Variants in DNAI4 observed in about 807,000 individuals in gnomAD.
DNAI4 encodes the protein dynein axonemal intermediate chain 4.
A neutral mutation model predicts 105.8 loss-of-function variants in DNAI4; 85 were observed. The ratio of observed to expected loss-of-function variants is 0.80; its 90% CI spans 0.67 to 0.96. DNAI4 has a LOEUF of 0.96. Among genes scored for constraint, DNAI4 ranks in the 40% least tolerant of loss-of-function variants. The pLI is 0.00. For synonymous variants in DNAI4, 352 were observed against 331.5 expected (o/e 1.06, Z -0.67); for missense variants, 1,014 against 1,005.6 (o/e 1.01, Z -0.11).
chr1:66,898,440 T>A (rs928931914), intron 2 of DNAI4, among the ~76,000 whole-genome samples: 4 of 152,202 alleles, frequency 2.6e-5, no homozygotes. Context: ...TGCAATAGTG[T>A]TGAGAGGTGG....
intron 7 of DNAI4, among the ~76,000 whole-genome samples, chr1:66,856,277 G>A (rs557433609): frequency 6.6e-6 from 1 of 151,666 alleles, no homozygotes; most frequent in East Asian, 2.0e-4. Flanking sequence ...AAACCATCCT[G>A]GCTAATATGG....
chr1:66,852,729 T>C (rs1646422714), intron 7 of DNAI4, among the ~76,000 whole-genome samples: 1 of 152,200 alleles, frequency 6.6e-6, no homozygotes, highest in African/African-American at 2.4e-5. Flanking sequence ...AGAATGATTG[T>C]GTCCCTATAA....
rs78695462 is a variant in DNAI4, at chr1:66,896,766, G to A, written c.346-3353C>T. Reference sequence around the variant, plus strand: ...TAGCAACAAGGCCCTAACCAGATGTGGTTCCTTGACCCTGGACATCCTAGC... The same window carrying A: ...TAGCAACAAGGCCCTAACCAGATGTAGTTCCTTGACCCTGGACATCCTAGC... On this transcript the variant is annotated intron_variant, in intron 2 of 16. Coordinates refer to ENST00000371026, the MANE Select transcript of DNAI4 (RefSeq NM_024763.5). Among the ~76,000 whole-genome samples, 973 of 152,138 alleles carry A rather than the reference G, an allele frequency of 6.4e-3. 9 individuals are homozygous for A. Among genetic ancestry groups the A allele is most frequent in the African/African-American group, 0.022 (907 of 41,506 alleles).
chr1:66,858,964 C>T (rs982976922), intron 7 of DNAI4, among the ~76,000 whole-genome samples: 1 of 151,200 alleles, frequency 6.6e-6, no homozygotes, highest in Non-Finnish European at 1.5e-5. Flanking sequence ...ATCAAAAACA[C>T]AATGTAAAAA....
chr1:66,914,318 T>C (rs754568459), intron 1 of DNAI4, among the ~76,000 whole-genome samples: 11 of 151,792 alleles, frequency 7.2e-5, no homozygotes, highest in Non-Finnish European at 1.3e-4. Context: ...TTTTTCTCTA[T>C]TTTTTTTCCT....
rs537471439 is a variant in DNAI4 at position 66,915,478 on chromosome 1, G to T, written c.170+9184C>A. ...ATCATGACTACTGCAGTTTTCATAG[G>T]TCATATAGGTAAACAATTAAAATAA... is the stretch of plus-strand genomic sequence containing the variant. On this transcript the variant is annotated intron_variant, in intron 1 of 16. Coordinates refer to ENST00000371026, the MANE Select transcript of DNAI4 (RefSeq NM_024763.5). Among the ~76,000 whole-genome samples, 41 of 152,246 alleles carry T rather than the reference G, an allele frequency of 2.7e-4. 1 individual carries two copies. In the South Asian group the frequency reaches 8.3e-3, roughly 31 times the overall value.
At chr1:66,869,350 ATTCT>A (rs1368568049) in intron 6 of DNAI4, among the ~76,000 whole-genome samples, 3 of 151,940 alleles carry the variant, frequency 2.0e-5, no homozygotes, top group African/African-American at 7.2e-5. Context: ...ATAAAGAATC[ATTCT>A]TTTTTTATTT....
chr1:66,819,392 C>T (rs1275969942), intron 16 of DNAI4, among the ~76,000 whole-genome samples: 1 of 152,140 alleles, frequency 6.6e-6, no homozygotes, highest in East Asian at 1.9e-4. Flanking sequence ...CAATTATTCT[C>T]CTGCTCTGTG....
chr1:66,877,247 G>T (rs1314790291), intron 4 of DNAI4, among the ~76,000 whole-genome samples: 2 of 152,130 alleles, frequency 1.3e-5, no homozygotes, highest in Non-Finnish European at 2.9e-5. Flanking sequence ...CTTGTCAAAA[G>T]TATCTATTAG....
intron 7 of DNAI4, among the ~76,000 whole-genome samples, chr1:66,858,280 A>G (rs1016418358): frequency 6.6e-6 from 1 of 152,032 alleles, no homozygotes; most frequent in Non-Finnish European, 1.5e-5. Flanking sequence ...CTGTAATCCC[A>G]GCACTTTGGG....
intron 4 of DNAI4, among the ~76,000 whole-genome samples, chr1:66,885,783 T>G (rs915763924): frequency 6.6e-6 from 1 of 152,210 alleles, no homozygotes; most frequent in African/African-American, 2.4e-5. Context: ...TCCGTCAAGA[T>G]GTTCTCTTTG....
chr1:66,870,037 T>C (rs780299512), intron 6 of DNAI4, among the ~76,000 whole-genome samples: 2 of 152,212 alleles, frequency 1.3e-5, no homozygotes, highest in Non-Finnish European at 1.5e-5. Context: ...ATAAGATGTA[T>C]GTATGTTCTT....
chr1:66,918,661 T>A (rs1448231095), intron 1 of DNAI4, among the ~76,000 whole-genome samples: 2 of 152,206 alleles, frequency 1.3e-5, no homozygotes, highest in Non-Finnish European at 2.9e-5. Flanking sequence ...TCATAGGACA[T>A]GAGACTTCAC....
At chr1:66,904,624 C>T (rs902252364) in intron 2 of DNAI4, among the ~76,000 whole-genome samples, 7 of 152,098 alleles carry the variant, frequency 4.6e-5, no homozygotes, top group African/African-American at 1.7e-4. Context: ...CATTGTGTCA[C>T]ATTTCTTTGC....
chr1:66,894,752 A>T (rs1648168547), intron 2 of DNAI4, among the ~76,000 whole-genome samples: 1 of 152,192 alleles, frequency 6.6e-6, no homozygotes, highest in Admixed American at 6.5e-5. Flanking sequence ...ATTATAAAAT[A>T]AGTGTTTATA....
intron 1 of DNAI4, among the ~76,000 whole-genome samples, chr1:66,913,280 TTTG>T (rs1261271377): frequency 1.3e-5 from 2 of 152,152 alleles, no homozygotes; most frequent in South Asian, 2.1e-4. Context: ...GTTGGGGATT[TTTG>T]TTGTTGTTTG....
Position 66,893,297 on chromosome 1 carries a change from T to G in DNAI4, c.462A>C (p.Ser154=). ...LLTSQEGSLG[S]EFISSYSLYQ... ...AAAGGCTATAGGAAGATATAAATTC[T>G]GATCCAAGTGATCCTTCTTGTGATG... is the stretch of plus-strand genomic sequence containing the variant. Residue 154 remains serine (S), a synonymous_variant, in exon 3 of 17, where the codon TCA becomes TCC. Transcript: ENST00000371026. The G allele has an allele frequency of 6.2e-7, 1 of 1,610,702 alleles. No individual in the cohort carries two copies. Among genetic ancestry groups the G allele is most frequent in the Non-Finnish European group, 8.5e-7 (1 of 1,178,262 alleles).
intron 4 of DNAI4, among the ~76,000 whole-genome samples, chr1:66,875,898 T>A (rs1192910047): frequency 6.6e-6 from 1 of 152,056 alleles, no homozygotes; most frequent in Non-Finnish European, 1.5e-5. Flanking sequence ...GTAAGTAATG[T>A]AATAATACAA....
rs1052178790 is a variant in DNAI4 at position 66,875,082 on chromosome 1, T to A, written c.644-145A>T. ...GAACAGGCCAGGTTGTGAGATGTAGTATATTCAACCTTTCTGAAGCCAAAT... is the reference window on the plus strand; with the variant it reads ...GAACAGGCCAGGTTGTGAGATGTAGAATATTCAACCTTTCTGAAGCCAAAT... On this transcript the variant is annotated intron_variant, in intron 4 of 16. Coordinates refer to ENST00000371026, the MANE Select transcript of DNAI4 (RefSeq NM_024763.5). 6 of 804,212 alleles carry A rather than the reference T, an allele frequency of 7.5e-6. No homozygotes were observed. The African/African-American group carries it at 1.1e-4, about 14-fold the overall frequency. The allele number at this position is 804,212 out of a possible 1,614,324, so 49.8% of individuals were successfully genotyped here.
Sources: allele counts gnomAD v4.1 joint callset (sites outside exome capture counted in the v4.1 genomes callset), GRCh38; gene constraint gnomAD v4.1.1; transcripts MANE v1.5; gene names NCBI Gene and HGNC (gene_info 2026-07-23, HGNC 2026-07-21).